TRPC3: variants seen among roughly 807,000 people sequenced by gnomAD.
The protein encoded by TRPC3 is short transient receptor potential channel 3.
Under a neutral mutation model 90.9 loss-of-function variants are expected in TRPC3, and 54 were observed. The observed-to-expected ratio is 0.59, with a 90% CI of 0.48 to 0.75. The LOEUF (loss-of-function observed/expected upper bound fraction) is 0.75. Among genes scored for constraint, TRPC3 ranks in the 30% least tolerant of loss-of-function variants. The pLI is 0.00. For synonymous variants in TRPC3, 424 were observed against 450.9 expected (o/e 0.94, Z 0.75); for missense variants, 918 against 1,194.5 (o/e 0.77, Z 3.41).
intron 7 of TRPC3, among the ~76,000 whole-genome samples, chr4:121,905,636 T>G (rs1292029944): frequency 6.7e-6 from 1 of 149,468 alleles, no homozygotes; most frequent in Admixed American, 6.6e-5. Flanking sequence ...AGTCTTTTCT[T>G]TTCTCAGAGA....
In TRPC3 at chr4:121,925,195, C is replaced by T; in HGVS notation, c.999G>A (p.Arg333=). ...NIEKEFKNDY[R]KLSMQCKDFV... ...AGTCTTTGCATTGCATGGAGAGCTT[C>T]CGATAGTCATTCTAAGAACAAGAGG... is the stretch of plus-strand genomic sequence containing the variant. The change falls in exon 3 of 12, where the codon CGG becomes CGA. Residue 333 remains arginine, a synonymous_variant. Coordinates refer to ENST00000379645, the MANE Select transcript of TRPC3 (RefSeq NM_001130698.2). 1 of 1,608,102 alleles carries T rather than the reference C, an allele frequency of 6.2e-7. No individual in the cohort carries two copies. The highest frequency in any genetic ancestry group is 1.7e-4 in the Middle Eastern group (1 of 6,026).
Position 121,877,778 on chromosome 4 carries a change from CAAAAAAAAA to C in TRPC3, c.*1949_*1957del, listed in dbSNP as rs199924407. On this transcript the variant is annotated 3_prime_UTR_variant, in exon 12 of 12. Coordinates refer to ENST00000379645, the MANE Select transcript of TRPC3 (RefSeq NM_001130698.2). ...GCTCTACAGTTGTGAGGGGCATGGA[CAAAAAAAAA>C]AAAAAAAAAAAGTCAGCTTTTTATC... 8.4e-6 allele frequency among the ~76,000 whole-genome samples: 1 copy of C among 119,678 alleles called. No homozygotes were observed. The highest frequency in any genetic ancestry group is 2.4e-4 in the East Asian group (1 of 4,242). The allele number at this position is 119,678 out of a possible 152,430, so 78.5% of individuals were successfully genotyped here.
At chr4:121,899,379 C>G (rs923524369) in intron 10 of TRPC3, among the ~76,000 whole-genome samples, 2 of 152,136 alleles carry the variant, frequency 1.3e-5, no homozygotes, top group African/African-American at 4.8e-5. Context: ...AAATGAAGGA[C>G]TTGGACTCTG....
In TRPC3 at chr4:121,899,746, TA is replaced by T. The variant is rs763875395; in HGVS notation, c.2464-52del. The stretch of plus-strand genomic sequence containing the variant: ...TAAATTAGAATACATTCATTTGGAA[TA>T]AAAAATATAATCCATTTATTCTCCT... On this transcript the variant is annotated intron_variant, in intron 9 of 11. Coordinates refer to ENST00000379645, the MANE Select transcript of TRPC3 (RefSeq NM_001130698.2). 890 of 1,319,850 alleles carry T rather than the reference TA, an allele frequency of 6.7e-4. 4 individuals are homozygous for T. The highest frequency in any genetic ancestry group is 8.7e-4 in the Non-Finnish European group (800 of 919,636). 81.8% of individuals were successfully genotyped at this position (1,319,850 alleles called of 1,614,324 possible). A position where few individuals can be genotyped will look rare whatever the true frequency, so the allele number is the denominator to read the frequency against.
chr4:121,914,570 C>T (rs1578628932), intron 4 of TRPC3, among the ~76,000 whole-genome samples: 1 of 151,388 alleles, frequency 6.6e-6, no homozygotes, highest in East Asian at 1.9e-4. Flanking sequence ...TACTTTATGC[C>T]TGCAAATGTG....
intron 3 of TRPC3, among the ~76,000 whole-genome samples, chr4:121,921,919 GT>G (rs1188029866): frequency 0.022 from 2,525 of 115,556 alleles, 51 homozygotes; most frequent in African/African-American, 0.049. Context: ...GTTTTTTTTT[GT>G]TTTTTTTTTT....
chr4:121,933,149 G>T, intron 1 of TRPC3, 107 bp from the exon 2 acceptor site: 1 of 1,422,968 alleles, frequency 7.0e-7, no homozygotes, highest in East Asian at 2.5e-5. Flanking sequence ...CAAACCTCTG[G>T]CTGCAGGGGT....
chr4:121,902,245 A>G (rs1385828205), intron 9 of TRPC3, among the ~76,000 whole-genome samples: 1 of 152,154 alleles, frequency 6.6e-6, no homozygotes, highest in East Asian at 1.9e-4. Flanking sequence ...ATACCATTCT[A>G]TCTCTGAAAG....
intron 3 of TRPC3, among the ~76,000 whole-genome samples, chr4:121,917,374 G>T (rs976730076): frequency 2.6e-5 from 4 of 152,128 alleles, no homozygotes; most frequent in African/African-American, 9.7e-5. Flanking sequence ...ACTATATTTA[G>T]ATCATTTCCT....
At chr4:121,920,297 G>A (rs1729457069) in intron 3 of TRPC3, among the ~76,000 whole-genome samples, 1 of 151,970 alleles carries the variant, frequency 6.6e-6, no homozygotes, top group South Asian at 2.1e-4. Context: ...TGAGGTGGGC[G>A]GATCACTTGA....
intron 2 of TRPC3, among the ~76,000 whole-genome samples, chr4:121,931,685 G>C (rs1341859556): frequency 6.6e-6 from 1 of 152,148 alleles, no homozygotes; most frequent in Non-Finnish European, 1.5e-5. Flanking sequence ...TCATATCAGT[G>C]AAGTGACTTT....
chr4:121,907,733 C>G (rs1461657964), intron 6 of TRPC3, among the ~76,000 whole-genome samples, 166 bp from the exon 7 acceptor site: 2 of 151,986 alleles, frequency 1.3e-5, no homozygotes, highest in Admixed American at 1.3e-4. Context: ...CATCTTAAAC[C>G]AGAAACGTAA....
intron 10 of TRPC3, among the ~76,000 whole-genome samples, chr4:121,885,592 T>C (rs1189515904): frequency 6.6e-6 from 1 of 152,194 alleles, no homozygotes; most frequent in African/African-American, 2.4e-5. Context: ...ATAACTATTA[T>C]TCTTTCATTA....
At position 121,952,026 on chromosome 4, in the gene TRPC3, C is replaced by CGACAGCATCACTTGCTAG. The variant is rs1237126983; in HGVS notation, c.-364_-347dup. ...CTCCTCGGCGCCCGTCTCCTGTCTC[C>CGACAGCATCACTTGCTAG]GACAGCATCACTTGCTAGGACAGCA... On this transcript the variant is annotated 5_prime_UTR_variant, in exon 1 of 12. In the 5' UTR this introduces an upstream ATG that the reference lacks. Transcript: ENST00000379645. 6.7e-6 allele frequency among the ~76,000 whole-genome samples: 1 copy of CGACAGCATCACTTGCTAG among 148,976 alleles called. No individual in the cohort carries two copies. The highest frequency in any genetic ancestry group is 1.5e-5 in the Non-Finnish European group (1 of 67,766).
chr4:121,879,726 G>T lies in TRPC3; in HGVS notation c.*10C>A. On this transcript the variant is annotated 3_prime_UTR_variant, in exon 12 of 12. Coordinates refer to ENST00000379645, the MANE Select transcript of TRPC3 (RefSeq NM_001130698.2). ...TGTGCTATAGTCAAAGCCAAATCCAGGTTGCTGCATCATTCACATCTCAGC... is the reference window on the plus strand; with the variant it reads ...TGTGCTATAGTCAAAGCCAAATCCATGTTGCTGCATCATTCACATCTCAGC... The T allele has an allele frequency of 6.2e-7, 1 of 1,600,780 alleles. No individual in the cohort carries two copies.
In TRPC3 at chr4:121,951,411, C is replaced by T. The variant is rs1359605221; in HGVS notation, c.215+55G>A. 9 of 1,132,952 alleles carry T rather than the reference C, an allele frequency of 7.9e-6. No homozygotes were observed. The highest frequency in any genetic ancestry group is 9.8e-6 in the Non-Finnish European group (9 of 919,312). 70.2% of individuals were successfully genotyped at this position (1,132,952 alleles called of 1,614,324 possible). On this transcript the variant is annotated intron_variant, in intron 1 of 11. Coordinates refer to ENST00000379645, the MANE Select transcript of TRPC3 (RefSeq NM_001130698.2). This position sits in a 1 kb window ranked among gnomAD's most constrained non-coding sequence, Gnocchi z 4.4. ...AGCCGCCCGGCGCGCGCCTTCCCGC[C>T]CCCCGCCCGGCACCGCCCTCCGAGG...
At chr4:121,904,254 C>G in intron 8 of TRPC3, 68 bp downstream of exon 8, 3 of 1,419,432 alleles carry the variant, frequency 2.1e-6, no homozygotes, top group Non-Finnish European at 2.9e-6. Flanking sequence ...CCACAGGGTA[C>G]AGAAGCAGAT....
In TRPC3 at chr4:121,932,505, C is replaced by G; in HGVS notation, c.753G>C (p.Met251Ile). ...AHCQKYEVVH[M>I]LLMKGARIER... ...CGATCCTGGCACCCTTCATCAGCAG[C>G]ATGTGCACCACTTCGTATTTCTGGC... is the stretch of plus-strand genomic sequence containing the variant. Residue 251 changes from methionine to isoleucine, a missense_variant, in exon 2 of 12, where the codon ATG (methionine) becomes ATC (isoleucine). Transcript: ENST00000379645. The surrounding 1 kb of genome is among the most constrained non-coding windows in gnomAD (Gnocchi z 7.7). 1 of 1,614,248 alleles carries G rather than the reference C, an allele frequency of 6.2e-7. No individual in the cohort carries two copies. The highest frequency in any genetic ancestry group is 8.5e-7 in the Non-Finnish European group (1 of 1,180,044).
intron 11 of TRPC3, among the ~76,000 whole-genome samples, chr4:121,880,265 A>G (rs1467263098): frequency 6.6e-6 from 1 of 152,190 alleles, no homozygotes; most frequent in Non-Finnish European, 1.5e-5. Flanking sequence ...TCCCATTGCT[A>G]GGATCAAAGG....
Sources: allele counts gnomAD v4.1 joint callset (sites outside exome capture counted in the v4.1 genomes callset), GRCh38; gene constraint gnomAD v4.1.1; non-coding constraint Gnocchi (gnomAD v3.1); transcripts MANE v1.5; gene names NCBI Gene and HGNC (gene_info 2026-07-23, HGNC 2026-07-21).